Variants in GIPC2 observed in about 807,000 individuals in gnomAD.
The protein encoded by GIPC2 is PDZ domain-containing protein GIPC2.
In GIPC2, 30 loss-of-function variants were observed where a neutral mutation model predicts 30.6. The ratio of observed to expected loss-of-function variants is 0.98; its 90% CI spans 0.73 to 1.33. The LOEUF (loss-of-function observed/expected upper bound fraction) is 1.33, where lower values mean the gene tolerates loss of function less well. GIPC2 is among the 40% of genes most tolerant of loss of function. The pLI, the probability that GIPC2 is intolerant of heterozygous loss-of-function variation, is 0.00. For synonymous variants in GIPC2, 167 were observed against 150.0 expected (o/e 1.11, Z -0.83); for missense variants, 414 against 390.3 (o/e 1.06, Z -0.51).
In GIPC2 at chr1:78,107,865, C is replaced by G. The variant is rs552311935; in HGVS notation, c.608-11528C>G. 3.9e-5 allele frequency among the ~76,000 whole-genome samples: 5 copies of G among 128,178 alleles called. No individual in the cohort carries two copies. In the Admixed American group the frequency reaches 4.0e-4, roughly 10 times the overall value. The allele number at this position is 128,178 out of a possible 152,430, so 84.1% of individuals were successfully genotyped here. The stretch of plus-strand genomic sequence containing the variant: ...AAAAAAAAAAAAAAAAAAGAGCTAG[C>G]ATTCTAGGAAGTAGAAGAAACTTAT... On this transcript the variant is annotated intron_variant, in intron 3 of 5. Transcript: ENST00000370759.
intron 1 of GIPC2, among the ~76,000 whole-genome samples, chr1:78,064,207 C>T (rs1329752861): frequency 1.3e-5 from 2 of 152,158 alleles, no homozygotes; most frequent in Non-Finnish European, 2.9e-5. Context: ...ATAAAAAATA[C>T]GCTGTGTGTA....
chr1:78,078,562 C>T (rs74093209), intron 1 of GIPC2, among the ~76,000 whole-genome samples: 2,308 of 152,104 alleles, frequency 0.015, 53 homozygotes, highest in African/African-American at 0.053. Context: ...TTATTCTGCA[C>T]GGGAGGAAGC....
chr1:78,085,759 G>A, intron 2 of GIPC2, among the ~76,000 whole-genome samples: 1 of 151,776 alleles, frequency 6.6e-6, no homozygotes, highest in Non-Finnish European at 1.5e-5. Context: ...GGGGTCAGTG[G>A]TTACATTGTC....
intron 3 of GIPC2, among the ~76,000 whole-genome samples, chr1:78,097,802 G>A (rs1397910807): frequency 2.0e-5 from 3 of 152,168 alleles, no homozygotes; most frequent in African/African-American, 7.2e-5. Flanking sequence ...AGGGGTGTGT[G>A]TACCAGGAAC....
At chr1:78,068,634 C>T (rs972894440) in intron 1 of GIPC2, among the ~76,000 whole-genome samples, 1 of 152,076 alleles carries the variant, frequency 6.6e-6, no homozygotes, top group Non-Finnish European at 1.5e-5. Context: ...CTAGAGTTAT[C>T]CCAGTTATAA....
chr1:78,046,373 C>G, intron 1 of GIPC2, 39 bp downstream of exon 1: 2 of 1,429,078 alleles, frequency 1.4e-6, no homozygotes, highest in Non-Finnish European at 1.9e-6. Context: ...GCCTCTCCGC[C>G]GCGCCGCGCC....
At chr1:78,115,500 T>C (rs1289889103) in intron 3 of GIPC2, among the ~76,000 whole-genome samples, 4 of 152,250 alleles carry the variant, frequency 2.6e-5, no homozygotes, top group Non-Finnish European at 5.9e-5. Context: ...TACATGACTC[T>C]GGGCTGGGGA....
rs1269338892 is a variant in GIPC2, at chr1:78,138,223, A to G, written c.*2480A>G. 6.6e-6 allele frequency: 1 copy of G among 152,198 alleles called. No homozygotes were observed. Among genetic ancestry groups the G allele is most frequent in the Admixed American group, 6.5e-5 (1 of 15,282 alleles). The allele number at this position is 152,198 out of a possible 1,614,324, so 9.4% of individuals were successfully genotyped here. A position where few individuals can be genotyped will look rare whatever the true frequency, so the allele number is the denominator to read the frequency against. ...TACTCTGATGATTACAAATAGGTAC[A>G]TGTTGGGTTTCTGTGATGTTTCAAA... On this transcript the variant is annotated 3_prime_UTR_variant, in exon 6 of 6. Coordinates refer to ENST00000370759, the MANE Select transcript of GIPC2 (RefSeq NM_017655.6).
intron 2 of GIPC2, among the ~76,000 whole-genome samples, chr1:78,083,989 GC>G: frequency 6.8e-6 from 1 of 146,780 alleles, no homozygotes; most frequent in South Asian, 2.2e-4. Flanking sequence ...TGTTAGCTGT[GC>G]TCATACACTG....
At chr1:78,134,789 C>G (rs970264427) in intron 5 of GIPC2, among the ~76,000 whole-genome samples, 8 of 152,098 alleles carry the variant, frequency 5.3e-5, no homozygotes, top group African/African-American at 1.9e-4. Context: ...TTGGCGTTTC[C>G]CTTTCACATG....
chr1:78,088,599 T>C (rs977656626), intron 2 of GIPC2, among the ~76,000 whole-genome samples: 2 of 152,158 alleles, frequency 1.3e-5, no homozygotes, highest in African/African-American at 4.8e-5. Flanking sequence ...GGGGTCTACT[T>C]GACCCCAGTC....
At chr1:78,065,191 T>A (rs1365217402) in intron 1 of GIPC2, among the ~76,000 whole-genome samples, 1 of 152,216 alleles carries the variant, frequency 6.6e-6, no homozygotes, top group East Asian at 1.9e-4. Context: ...CCAGGGTTAG[T>A]CTTACAGGAC....
At chr1:78,072,821 T>C (rs1280939588) in intron 1 of GIPC2, among the ~76,000 whole-genome samples, 1 of 152,068 alleles carries the variant, frequency 6.6e-6, no homozygotes, top group African/African-American at 2.4e-5. Context: ...ATTATTATTT[T>C]TGAGACAGAG....
chr1:78,107,033 C>G (rs919874936), intron 3 of GIPC2, among the ~76,000 whole-genome samples: 1 of 139,630 alleles, frequency 7.2e-6, no homozygotes, highest in Non-Finnish European at 1.6e-5. Context: ...TCTTCTCCCT[C>G]CCTCCCTCCC....
chr1:78,048,489 C>T (rs530570425), intron 1 of GIPC2, among the ~76,000 whole-genome samples: 66 of 151,376 alleles, frequency 4.4e-4, no homozygotes, highest in Middle Eastern at 3.4e-3. Flanking sequence ...TGCAGTGGTG[C>T]GATTATAGCT....
rs1661370686 is a variant in GIPC2 at position 78,060,405 on chromosome 1, A to G, written c.240+14071A>G. On this transcript the variant is annotated intron_variant, in intron 1 of 5. Coordinates refer to ENST00000370759, the MANE Select transcript of GIPC2 (RefSeq NM_017655.6). ...AGCAATTCTCCTGCCTCAGCCTCCC[A>G]AAGTACTGGGATTATAGGTGTGTAC... 2.0e-5 allele frequency among the ~76,000 whole-genome samples: 3 copies of G among 152,070 alleles called. No individual in the cohort carries two copies. The South Asian group carries it at 6.2e-4, about 32-fold the overall frequency.
chr1:78,097,165 T>A (rs1662153146), intron 3 of GIPC2, among the ~76,000 whole-genome samples: 1 of 152,200 alleles, frequency 6.6e-6, no homozygotes, highest in African/African-American at 2.4e-5. Flanking sequence ...CCCCCAATTC[T>A]CTTGGTTCTA....
intron 3 of GIPC2, among the ~76,000 whole-genome samples, chr1:78,102,053 AAAG>A (rs1424940411): frequency 6.6e-6 from 1 of 152,178 alleles, no homozygotes; most frequent in Non-Finnish European, 1.5e-5. Flanking sequence ...CCCTTTATGG[AAAG>A]AGGTTTGAGG....
intron 1 of GIPC2, among the ~76,000 whole-genome samples, chr1:78,060,442 A>G (rs912430804): frequency 2.0e-5 from 3 of 152,034 alleles, no homozygotes; most frequent in African/African-American, 7.2e-5. Flanking sequence ...ACTGCAGCCG[A>G]CCGACCCTCT....
Sources: allele counts gnomAD v4.1 joint callset (sites outside exome capture counted in the v4.1 genomes callset), GRCh38; gene constraint gnomAD v4.1.1; transcripts MANE v1.5; gene names NCBI Gene and HGNC (gene_info 2026-07-23, HGNC 2026-07-21).